TENM4: variants seen among roughly 807,000 people sequenced by gnomAD.
TENM4 encodes teneurin-4.
Under a neutral mutation model 243.3 loss-of-function variants are expected in TENM4, and 82 were observed. The ratio of observed to expected loss-of-function variants is 0.34; its 90% CI spans 0.28 to 0.40. The LOEUF (loss-of-function observed/expected upper bound fraction) is 0.40. Among genes scored for constraint, TENM4 ranks in the 10% least tolerant of loss-of-function variants. The probability of loss-of-function intolerance (pLI) is 1.00; values close to 1 mark genes in which losing one functional copy is unlikely to be tolerated. For synonymous variants in TENM4, 1,412 were observed against 1,456.3 expected, an observed-to-expected ratio of 0.97 and a Z score of 0.69; for missense variants, 3,138 against 3,673.3, an observed-to-expected ratio of 0.85 and a Z score of 3.77.
At chr11:78,946,694 A>C (rs1336502305) in intron 6 of TENM4, among the ~76,000 whole-genome samples, 2 of 152,232 alleles carry the variant, frequency 1.3e-5, no homozygotes, top group Non-Finnish European at 2.9e-5. Flanking sequence ...AAGAATGCTC[A>C]AGATTCATAG....
chr11:79,416,810 T>C (rs1858824183), intron 1 of TENM4, among the ~76,000 whole-genome samples: 2 of 152,162 alleles, frequency 1.3e-5, no homozygotes, highest in African/African-American at 2.4e-5. Context: ...CTAACACTGC[T>C]TTTGCGCAAA....
chr11:78,757,038 G>GGTTGCTTAGACTGCAGTAGTAA lies in TENM4; in HGVS notation c.2540-18_2540-17insTTACTACTGCAGTCTAAGCAAC. On this transcript the variant is annotated splice_polypyrimidine_tract_variant and intron_variant, in intron 18 of 33. Coordinates refer to ENST00000278550, the MANE Select transcript of TENM4 (RefSeq NM_001098816.3). ...CCAGGCCATCTGCAGGAGTGACAGA[G>GGTTGCTTAGACTGCAGTAGTAA]CATGTGGTTTATATTGCTATGTTCA... 6.2e-7 allele frequency: 1 copy of GGTTGCTTAGACTGCAGTAGTAA among 1,610,516 alleles called. No individual in the cohort carries two copies. Among genetic ancestry groups the GGTTGCTTAGACTGCAGTAGTAA allele is most frequent in the Non-Finnish European group, 8.5e-7 (1 of 1,177,962 alleles).
At chr11:78,966,512 T>C (rs1857440152) in intron 6 of TENM4, among the ~76,000 whole-genome samples, 1 of 152,106 alleles carries the variant, frequency 6.6e-6, no homozygotes, top group South Asian at 2.1e-4. Context: ...GAAGCACAGC[T>C]GCAAGGGAGC....
intron 3 of TENM4, among the ~76,000 whole-genome samples, chr11:79,177,306 C>T (rs1863181422): frequency 6.6e-6 from 1 of 152,142 alleles, no homozygotes. Context: ...GCTCCTCCAC[C>T]AGACTGGGTC....
intron 3 of TENM4, among the ~76,000 whole-genome samples, chr11:79,184,250 T>C (rs1591338968): frequency 6.6e-6 from 1 of 152,318 alleles, no homozygotes; most frequent in African/African-American, 2.4e-5. Flanking sequence ...TACCAGGGAC[T>C]GGTTTCATGG....
In TENM4 at chr11:79,380,493, G is replaced by C. The variant is rs1857979079; in HGVS notation, c.-321+60016C>G. Among the ~76,000 whole-genome samples, 3 of 152,170 alleles carry C rather than the reference G, an allele frequency of 2.0e-5. No individual in the cohort carries two copies. The South Asian group carries it at 6.2e-4, about 32-fold the overall frequency. ...GGAACAGGCTGATTGATCTATTTCA[G>C]TGTTTACTGAAGAGTCATTTGGCTC... On this transcript the variant is annotated intron_variant, in intron 1 of 33. Coordinates refer to ENST00000278550, the MANE Select transcript of TENM4 (RefSeq NM_001098816.3).
chr11:78,669,579 C>T lies in TENM4; in HGVS notation c.6766G>A (p.Asp2256Asn). The T allele has an allele frequency of 6.2e-7, 1 of 1,614,002 alleles. No individual in the cohort carries two copies. Among genetic ancestry groups the T allele is most frequent in the Non-Finnish European group, 8.5e-7 (1 of 1,179,896 alleles). The change falls in exon 32 of 34, where the codon GAT becomes AAT. Residue 2256 changes from aspartate (D) to asparagine (N), a missense_variant. This residue lies in a region of TENM4 where 2,467 missense variants were observed against 3,059.1 expected (regional missense o/e 0.81). Coordinates refer to ENST00000278550, the MANE Select transcript of TENM4 (RefSeq NM_001098816.3). This position sits in a 1 kb window ranked among gnomAD's most constrained non-coding sequence, Gnocchi z 6.4. ...CGCTGCCTCAGGAAGCCATCCTCAT[C>T]CATCTTGTATTGCACGTCACCCAGC... The part of the protein sequence containing the change: ...TRLGDVQYKM[D>N]EDGFLRQRGG...
intron 2 of TENM4, among the ~76,000 whole-genome samples, chr11:79,218,835 A>G (rs586818): frequency 0.35 from 53,747 of 152,194 alleles, 11,554 homozygotes; most frequent in Middle Eastern, 0.5. Context: ...TTTATATGCT[A>G]GCATTCCGTT....
At chr11:79,218,097 T>C (rs1400837917) in intron 2 of TENM4, among the ~76,000 whole-genome samples, 4 of 152,214 alleles carry the variant, frequency 2.6e-5, no homozygotes, top group Non-Finnish European at 5.9e-5. Context: ...AATCATTATA[T>C]TCATTAAGAT....
intron 4 of TENM4, among the ~76,000 whole-genome samples, chr11:79,120,845 T>C (rs147154469): frequency 6.6e-6 from 1 of 152,302 alleles, no homozygotes; most frequent in Non-Finnish European, 1.5e-5. Context: ...AACTTACTAT[T>C]TGTTGGGCAT....
At chr11:79,048,364 T>C (rs1341947870) in intron 6 of TENM4, among the ~76,000 whole-genome samples, 1 of 152,168 alleles carries the variant, frequency 6.6e-6, no homozygotes, top group African/African-American at 2.4e-5. Context: ...CCACTTCAAC[T>C]TCACACCATT....
intron 2 of TENM4, among the ~76,000 whole-genome samples, chr11:79,218,563 T>C (rs1345613047): frequency 6.6e-6 from 1 of 152,176 alleles, no homozygotes; most frequent in Non-Finnish European, 1.5e-5. Context: ...AGCTTGTGAC[T>C]TGGCTTCTCA....
intron 2 of TENM4, among the ~76,000 whole-genome samples, chr11:79,230,277 T>C (rs758486675): frequency 6.6e-6 from 1 of 152,206 alleles, no homozygotes; most frequent in Non-Finnish European, 1.5e-5. Flanking sequence ...AGTATCTCCA[T>C]GTGGCTGGAA....
chr11:78,727,260 A>C (rs1296801523), intron 22 of TENM4, among the ~76,000 whole-genome samples: 3 of 152,182 alleles, frequency 2.0e-5, no homozygotes, highest in African/African-American at 7.2e-5. Context: ...CATCCTGGCT[A>C]ACATGGTGAA....
chr11:79,132,442 C>G (rs1190355829), intron 4 of TENM4, among the ~76,000 whole-genome samples: 1 of 149,988 alleles, frequency 6.7e-6, no homozygotes, highest in African/African-American at 2.5e-5. Context: ...GTCATCAAGA[C>G]AGAAAGTCAG....
At chr11:79,039,804 ATAAAT>A (rs1024885410) in intron 6 of TENM4, among the ~76,000 whole-genome samples, 4 of 152,200 alleles carry the variant, frequency 2.6e-5, no homozygotes, top group African/African-American at 9.7e-5. Flanking sequence ...GTAAAATAAA[ATAAAT>A]CAACAAACAA....
intron 3 of TENM4, among the ~76,000 whole-genome samples, chr11:79,185,523 A>G (rs1418175321): frequency 6.6e-6 from 1 of 152,180 alleles, no homozygotes; most frequent in Non-Finnish European, 1.5e-5. Context: ...ATATTGTATC[A>G]CCAGCGAATG....
At position 78,701,951 on chromosome 11, in the gene TENM4, G is replaced by A. The variant is rs1033019883; in HGVS notation, c.4662C>T (p.Asp1554=). 2.5e-6 allele frequency: 4 copies of A among 1,613,876 alleles called. No individual in the cohort carries two copies. In the Admixed American group the frequency reaches 5.0e-5, roughly 20 times the overall value. ...TAAACCGAATTCGGATGTTCCCAAG[G>A]TCGGCCACGTAGAGCTCCCCATCAG... The part of the protein sequence containing the change: ...VCADGELYVA[D]LGNIRIRFIR... Residue 1554 remains aspartate (D), a synonymous_variant, in exon 28 of 34, where the codon GAC becomes GAT. Coordinates refer to ENST00000278550, the MANE Select transcript of TENM4 (RefSeq NM_001098816.3).
intron 17 of TENM4, among the ~76,000 whole-genome samples, chr11:78,773,876 A>G (rs555974191): frequency 6.6e-6 from 1 of 152,352 alleles, no homozygotes; most frequent in East Asian, 1.9e-4. Flanking sequence ...ATAGATTTCT[A>G]AAATAAGTAA....
Sources: allele counts gnomAD v4.1 joint callset (sites outside exome capture counted in the v4.1 genomes callset), GRCh38; gene constraint gnomAD v4.1.1; regional missense constraint gnomAD v4.1.1; non-coding constraint Gnocchi (gnomAD v3.1); transcripts MANE v1.5; gene names NCBI Gene and HGNC (gene_info 2026-07-23, HGNC 2026-07-21).